PFKM: variants seen among roughly 807,000 people sequenced by gnomAD.
PFKM encodes the protein phosphofructokinase, muscle.
PFKM carries 58 observed loss-of-function variants against 95.5 expected under a neutral mutation model. That is an observed-to-expected ratio of 0.61 (90% CI 0.49 to 0.76). The LOEUF (loss-of-function observed/expected upper bound fraction) is 0.76, where lower values mean the gene tolerates loss of function less well. PFKM is among the 30% of genes least tolerant of loss of function. PFKM has a pLI of 0.00. For missense variants in PFKM, 678 were observed against 1,005.4 expected (o/e 0.67, Z 4.40); for synonymous variants, 336 against 357.2 (o/e 0.94, Z 0.67).
At chr12:48,127,906 G>A (rs144682439) in intron 2 of PFKM, among the ~76,000 whole-genome samples, 5 of 152,298 alleles carry the variant, frequency 3.3e-5, no homozygotes, top group African/African-American at 4.8e-5. Context: ...TGGATTCCCT[G>A]AAACCCATCA....
At chr12:48,107,432 T>C (rs375639277) in exon 2 of PFKM, 15 of 1,597,506 alleles carry the variant, frequency 9.4e-6, no homozygotes, top group East Asian at 2.2e-5. Context: ...TCTCGCCAGT[T>C]AGTCAGGACT....
In PFKM at chr12:48,144,094, G is replaced by A; in HGVS notation, c.1929G>A (p.Leu643=). ...ATACCACTGACTTCATTTTCAACCT[G>A]TACTCTGAGGAGGGGAAGGGCATCT... ...ENYTTDFIFN[L]YSEEGKGIFD... Residue 643 remains leucine, a synonymous_variant, in exon 20 of 23, where the codon CTG becomes CTA. Coordinates refer to ENST00000359794, the MANE Select transcript of PFKM (RefSeq NM_000289.6). The A allele has an allele frequency of 6.2e-7, 1 of 1,614,014 alleles. No homozygotes were observed. The highest frequency in any genetic ancestry group is 8.5e-7 in the Non-Finnish European group (1 of 1,179,882).
chr12:48,135,432 G>A (rs1410532370), intron 10 of PFKM, 49 bp downstream of exon 10: 1 of 1,343,114 alleles, frequency 7.4e-7, no homozygotes, highest in Non-Finnish European at 1.1e-6. Flanking sequence ...CCTCAACCTT[G>A]TAGTCCTGCC....
chr12:48,105,907 C>T (rs1946527715), upstream of PFKM: 8 of 637,204 alleles, frequency 1.3e-5, 1 homozygote, highest in South Asian at 6.9e-5. Flanking sequence ...AAGGCGCCGG[C>T]CCCACAGTGC....
Position 48,108,300 on chromosome 12 carries a change from T to C in PFKM, c.205+106T>C, listed in dbSNP as rs1361299562. The C allele has an allele frequency of 7.0e-6, 7 of 1,003,972 alleles. No individual in the cohort carries two copies. In the African/African-American group the frequency reaches 9.9e-5, roughly 14 times the overall value. 62.2% of individuals were successfully genotyped at this position (1,003,972 alleles called of 1,614,324 possible). Reference sequence around the variant, plus strand: ...GCGTAGACCTACTAAAGCTGAAATATAAGACCCAAGGGGGAAAGTCTGTGT... The same window carrying C: ...GCGTAGACCTACTAAAGCTGAAATACAAGACCCAAGGGGGAAAGTCTGTGT... On this transcript the variant is annotated intron_variant, in intron 3 of 24. Coordinates refer to the PFKM transcript ENST00000340802.
chr12:48,139,984 A>G, intron 13 of PFKM, 72 bp downstream of exon 13: 1 of 971,204 alleles, frequency 1.0e-6, no homozygotes, highest in Non-Finnish European at 1.7e-6. Context: ...AAATGCTACC[A>G]CAGTCCATAC....
intron 11 of PFKM, among the ~76,000 whole-genome samples, chr12:48,138,791 A>C (rs1356057774): frequency 6.6e-6 from 1 of 152,258 alleles, no homozygotes; most frequent in Non-Finnish European, 1.5e-5. Context: ...ACGGTGGCTC[A>C]CGCCTATAAT....
chr12:48,109,052 T>TA (rs1318348003), intron 3 of PFKM, among the ~76,000 whole-genome samples: 2 of 152,240 alleles, frequency 1.3e-5, no homozygotes. Flanking sequence ...ATCATTGGGC[T>TA]AGACTCTGTA....
At chr12:48,129,458 A>G (rs1376415882) in intron 2 of PFKM, among the ~76,000 whole-genome samples, 1 of 152,026 alleles carries the variant, frequency 6.6e-6, no homozygotes, top group Non-Finnish European at 1.5e-5. Flanking sequence ...GGGCCACAGG[A>G]AGAGACTAGC....
At chr12:48,137,518 T>C (rs1203390025) in intron 10 of PFKM, 3 of 614,582 alleles carry the variant, frequency 4.9e-6, no homozygotes, top group Non-Finnish European at 5.8e-6. Flanking sequence ...ATCTTTGGGG[T>C]TCCGATGGCA....
chr12:48,117,116 A>G (rs1947745993), upstream of PFKM, among the ~76,000 whole-genome samples: 1 of 152,156 alleles, frequency 6.6e-6, no homozygotes, highest in South Asian at 2.1e-4. Flanking sequence ...TTGGAATCAT[A>G]CAGTATGCAG....
Position 48,137,917 on chromosome 12 carries a change from C to T in PFKM, c.1062+71C>T. 7 of 1,552,782 alleles carry T rather than the reference C, an allele frequency of 4.5e-6. No homozygotes were observed. The South Asian group carries it at 5.6e-5, about 12-fold the overall frequency. On this transcript the variant is annotated intron_variant, in intron 11 of 22. Transcript: ENST00000359794. ...GCCTTGGAGCTCAAGGGGCATGAGA[C>T]TATGTCTAAGGCCACTGGTATAGGA...
At position 48,121,946 on chromosome 12, in the gene PFKM, G is replaced by A. The variant is rs112787737; in HGVS notation, c.-8-821G>A. On this transcript the variant is annotated intron_variant, in intron 1 of 22. Transcript: ENST00000359794. ...TATGGATACAAAAATACGTCCTCTT[G>A]TGTGTTCCTTTGAGAGAGGTGATCC... 4.7e-3 allele frequency among the ~76,000 whole-genome samples: 711 copies of A among 152,264 alleles called. 6 individuals carry two copies. Among genetic ancestry groups the A allele is most frequent in the Non-Finnish European group, 3.4e-3 (234 of 68,016 alleles).
At chr12:48,118,447 C>T, upstream of PFKM, 1 of 1,072,168 alleles carries the variant, frequency 9.3e-7, no homozygotes, top group Non-Finnish European at 1.4e-6. Context: ...GGGGTTTTAT[C>T]TCCTAGTCAC....
chr12:48,119,597 C>T (rs1329582622), intron 1 of PFKM, 191 bp downstream of exon 1: 1 of 160,770 alleles, frequency 6.2e-6, no homozygotes, highest in African/African-American at 2.4e-5. Context: ...TGGCCAGTCC[C>T]CTCCGCTTGC....
intron 7 of PFKM, 65 bp downstream of exon 7, chr12:48,134,341 A>G (rs1949849669): frequency 2.2e-5 from 30 of 1,384,770 alleles, no homozygotes; most frequent in Middle Eastern, 1.8e-4. Context: ...TTTTCCCCAG[A>G]GAGTCCAGTG....
intron 7 of PFKM, 116 bp downstream of exon 7, chr12:48,134,392 C>T (rs1454525573): frequency 8.9e-6 from 8 of 898,396 alleles, no homozygotes; most frequent in Non-Finnish European, 1.5e-5. Context: ...GCACATGCTC[C>T]TTGTGGTGTG....
chr12:48,118,455 C>T (rs1202446538), upstream of PFKM: 1 of 1,147,158 alleles, frequency 8.7e-7, no homozygotes, highest in African/African-American at 1.5e-5. Flanking sequence ...ATCTCCTAGT[C>T]ACTTGCATTT....
exon 1 of PFKM, chr12:48,105,950 C>T (rs935404441): frequency 3.3e-5 from 23 of 692,580 alleles, no homozygotes; most frequent in Non-Finnish European, 6.1e-5. Context: ...CCCGGGCCGG[C>T]TGACCGGGTC....
Sources: allele counts gnomAD v4.1 joint callset (sites outside exome capture counted in the v4.1 genomes callset), GRCh38; gene constraint gnomAD v4.1.1; transcripts MANE v1.5; gene names NCBI Gene and HGNC (gene_info 2026-07-23, HGNC 2026-07-21).